DCC: variants seen among roughly 807,000 people sequenced by gnomAD.
DCC encodes the protein netrin receptor DCC.
A neutral mutation model predicts 172.5 loss-of-function variants in DCC; 58 were observed. That is an observed-to-expected ratio of 0.34 (90% CI 0.27 to 0.42). The LOEUF (loss-of-function observed/expected upper bound fraction) is 0.42. Ranked by LOEUF, DCC falls within the 10% of genes least tolerant of loss-of-function variation. The probability of loss-of-function intolerance (pLI) is 1.00; values close to 1 mark genes in which losing one functional copy is unlikely to be tolerated. For missense variants in DCC, 1,740 were observed against 1,791.0 expected (o/e 0.97, Z 0.51); for synonymous variants, 709 against 644.5 (o/e 1.10, Z -1.52).
intron 9 of DCC, among the ~76,000 whole-genome samples, chr18:53,198,812 A>T (rs1032442446): frequency 5.9e-5 from 9 of 152,206 alleles, no homozygotes; most frequent in Admixed American, 4.6e-4. Flanking sequence ...TGCATAGATT[A>T]TGCATCTATT....
intron 21 of DCC, among the ~76,000 whole-genome samples, chr18:53,431,685 A>G (rs1054902914): frequency 3.9e-4 from 59 of 152,198 alleles, no homozygotes; most frequent in African/African-American, 1.3e-3. Flanking sequence ...AGGTTTTGCC[A>G]TGTTGCCCAG....
At chr18:52,968,046 T>C (rs1259282468) in intron 5 of DCC, among the ~76,000 whole-genome samples, 1 of 152,172 alleles carries the variant, frequency 6.6e-6, no homozygotes, top group Non-Finnish European at 1.5e-5. Context: ...AAAGGGATCT[T>C]GGAAAGGTGT....
chr18:52,981,145 C>T (rs1374380338), intron 5 of DCC, among the ~76,000 whole-genome samples: 1 of 151,956 alleles, frequency 6.6e-6, no homozygotes, highest in Non-Finnish European at 1.5e-5. Context: ...CAGATAATCA[C>T]AACAAAATAT....
rs554237771 is a variant in DCC at position 53,180,078 on chromosome 18, G to A, written c.1573+962G>A. 2.6e-5 allele frequency among the ~76,000 whole-genome samples: 4 copies of A among 152,230 alleles called. No homozygotes were observed. The South Asian group carries it at 8.3e-4, about 32-fold the overall frequency. ...TTGGGAATAAGGTGAAGTAGAGATT[G>A]GAAATATTTTAACTGGTAATTGTGA... is the stretch of plus-strand genomic sequence containing the variant. On this transcript the variant is annotated intron_variant, in intron 9 of 28. Coordinates refer to ENST00000442544, the MANE Select transcript of DCC (RefSeq NM_005215.4).
chr18:53,331,654 T>C (rs546831474), intron 14 of DCC, among the ~76,000 whole-genome samples: 2 of 152,310 alleles, frequency 1.3e-5, no homozygotes, highest in Non-Finnish European at 2.9e-5. Flanking sequence ...TTCTCTGTAT[T>C]GTGTTGGACA....
At chr18:53,255,522 T>A (rs1192711423) in intron 12 of DCC, among the ~76,000 whole-genome samples, 2 of 151,848 alleles carry the variant, frequency 1.3e-5, no homozygotes, top group South Asian at 4.2e-4. Flanking sequence ...GCTTCATCCA[T>A]GTCCCTACAA....
rs1300859014 is a variant in DCC, at chr18:52,886,574, A to T, written c.413-19470A>T. ...CTTCTAATGTCACTTGCCTAAGACA[A>T]GGTCCCATAGCTGTAGCGTATTCGT... On this transcript the variant is annotated intron_variant, in intron 2 of 28. Coordinates refer to ENST00000442544, the MANE Select transcript of DCC (RefSeq NM_005215.4). 2.0e-5 allele frequency among the ~76,000 whole-genome samples: 3 copies of T among 152,150 alleles called. No individual in the cohort carries two copies. In the East Asian group the frequency reaches 5.8e-4, roughly 29 times the overall value.
intron 1 of DCC, among the ~76,000 whole-genome samples, chr18:52,610,222 TATATAA>T (rs1598954764): frequency 1.3e-5 from 1 of 77,112 alleles, no homozygotes; most frequent in Non-Finnish European, 2.3e-5. Flanking sequence ...TATATATATA[TATATAA>T]AATTAGCCAG....
At chr18:53,078,624 A>G (rs988252717) in intron 7 of DCC, among the ~76,000 whole-genome samples, 1 of 152,164 alleles carries the variant, frequency 6.6e-6, no homozygotes, top group Non-Finnish European at 1.5e-5. Flanking sequence ...TTTTTTATTT[A>G]AAGTATCTAT....
At chr18:52,403,902 A>G (rs1022242488) in intron 1 of DCC, among the ~76,000 whole-genome samples, 3 of 152,052 alleles carry the variant, frequency 2.0e-5, no homozygotes, top group Non-Finnish European at 4.4e-5. Flanking sequence ...ACAAATAATG[A>G]TTTGGAATTC....
chr18:52,795,922 C>A (rs1338676443), intron 2 of DCC, among the ~76,000 whole-genome samples: 1 of 151,636 alleles, frequency 6.6e-6, no homozygotes, highest in African/African-American at 2.4e-5. Context: ...AAATATTGTT[C>A]AATAATGTTA....
chr18:52,815,700 C>G (rs1362650088), intron 2 of DCC, among the ~76,000 whole-genome samples: 1 of 152,050 alleles, frequency 6.6e-6, no homozygotes, highest in Non-Finnish European at 1.5e-5. Flanking sequence ...ATGTTTTACC[C>G]TAATTATTGT....
chr18:53,460,821 G>A (rs576205328), intron 24 of DCC, among the ~76,000 whole-genome samples: 67 of 152,218 alleles, frequency 4.4e-4, no homozygotes, highest in Middle Eastern at 6.8e-3. Flanking sequence ...GGGTCAAATG[G>A]TATTTCTAGT....
chr18:52,687,099 C>T (rs2145003091), intron 1 of DCC, among the ~76,000 whole-genome samples: 1 of 152,162 alleles, frequency 6.6e-6, no homozygotes, highest in East Asian at 1.9e-4. Flanking sequence ...TGACCCTCCC[C>T]CATAACCTTT....
chr18:53,302,001 G>C (rs557246789), intron 12 of DCC, among the ~76,000 whole-genome samples: 2 of 152,222 alleles, frequency 1.3e-5, no homozygotes, highest in Non-Finnish European at 2.9e-5. Context: ...TGGCAGATTT[G>C]GTTTCTTCTG....
chr18:52,870,687 C>G (rs1302738440), intron 2 of DCC, among the ~76,000 whole-genome samples: 1 of 93,248 alleles, frequency 1.1e-5, no homozygotes, highest in Non-Finnish European at 2.0e-5. Context: ...CAGTCCCGTG[C>G]CCCACCCCCC....
Position 53,535,330 on chromosome 18 carries a change from T to C in DCC, c.*4677T>C, listed in dbSNP as rs542948764. The C allele has an allele frequency of 2.3e-4, 35 of 152,226 alleles. No individual in the cohort carries two copies. The highest frequency in any genetic ancestry group is 4.0e-4 in the Non-Finnish European group (27 of 68,020). 9.4% of individuals were successfully genotyped at this position (152,226 alleles called of 1,614,324 possible). On this transcript the variant is annotated 3_prime_UTR_variant, in exon 29 of 29. Coordinates refer to ENST00000442544, the MANE Select transcript of DCC (RefSeq NM_005215.4). ...GACCACTTTGGAAATGAATTGTCCA[T>C]TGCTGAGTATGAAGAGATGTCCAGT...
chr18:52,563,887 G>C (rs1283963208), intron 1 of DCC, among the ~76,000 whole-genome samples: 4 of 152,140 alleles, frequency 2.6e-5, no homozygotes, highest in Non-Finnish European at 5.9e-5. Context: ...GTAGGGTTCT[G>C]TGCCAAAATC....
intron 2 of DCC, among the ~76,000 whole-genome samples, chr18:52,883,246 A>G (rs2039513333): frequency 6.6e-6 from 1 of 151,914 alleles, no homozygotes; most frequent in Non-Finnish European, 1.5e-5. Flanking sequence ...TAGACCACTT[A>G]CATTCAATGT....
Sources: gnomAD v4.1 joint callset for allele counts (sites outside exome capture counted in the v4.1 genomes callset) on GRCh38, gnomAD v4.1.1 for gene constraint, MANE v1.5 for transcripts, NCBI Gene and HGNC (gene_info 2026-07-23, HGNC 2026-07-21) for gene names.